The following GMDS variants were observed in gnomAD, a reference collection of about 807,000 sequenced individuals.
GMDS encodes GDP-mannose 4,6-dehydratase.
A neutral mutation model predicts 49.9 loss-of-function variants in GMDS; 20 were observed. That is an observed-to-expected ratio of 0.40 (90% CI 0.28 to 0.58). The LOEUF is 0.58. GMDS is among the 20% of genes least tolerant of loss of function. The pLI is 0.42. For missense variants in GMDS, 362 were observed against 481.4 expected, an observed-to-expected ratio of 0.75 and a Z score of 2.32; for synonymous variants, 177 against 178.6, an observed-to-expected ratio of 0.99 and a Z score of 0.07.
intron 7 of GMDS, among the ~76,000 whole-genome samples, chr6:1,823,999 C>T (rs571768485): frequency 3.3e-5 from 5 of 152,204 alleles, no homozygotes; most frequent in South Asian, 4.2e-4. Context: ...GTTCTCATGA[C>T]GGGCCTCCTC....
At chr6:1,814,700 TTTAA>T (rs1770583459) in intron 7 of GMDS, among the ~76,000 whole-genome samples, 1 of 152,250 alleles carries the variant, frequency 6.6e-6, no homozygotes, top group Non-Finnish European at 1.5e-5. Flanking sequence ...TATATTCATA[TTTAA>T]TTATACTAAA....
chr6:1,897,957 C>G (rs1000422492), intron 7 of GMDS, among the ~76,000 whole-genome samples: 156 of 112,632 alleles, frequency 1.4e-3, no homozygotes, highest in African/African-American at 5.1e-3. Context: ...CCTGGCCACC[C>G]TTGCCATCCT....
At chr6:2,132,617 G>A (rs569090795) in intron 1 of GMDS, among the ~76,000 whole-genome samples, 110 of 152,156 alleles carry the variant, frequency 7.2e-4, no homozygotes, top group Non-Finnish European at 1.3e-3. Flanking sequence ...AGGCTTTGTG[G>A]ATGAAAGAAA....
At chr6:1,689,470 G>C (rs1427472041) in intron 9 of GMDS, among the ~76,000 whole-genome samples, 1 of 152,172 alleles carries the variant, frequency 6.6e-6, no homozygotes, top group Non-Finnish European at 1.5e-5. Context: ...AAGCAGTGTG[G>C]AACTGAAATA....
At chr6:2,010,756 G>C (rs1170237189) in intron 4 of GMDS, among the ~76,000 whole-genome samples, 5 of 152,110 alleles carry the variant, frequency 3.3e-5, no homozygotes. Context: ...TTTAAAAATT[G>C]TTTTAAAAAT....
At chr6:1,732,880 G>C (rs1379590563) in intron 8 of GMDS, among the ~76,000 whole-genome samples, 2 of 152,130 alleles carry the variant, frequency 1.3e-5, no homozygotes, top group African/African-American at 4.8e-5. Context: ...TAATAAAGAA[G>C]GGAAAAAAGA....
intron 1 of GMDS, among the ~76,000 whole-genome samples, chr6:2,201,188 G>GA (rs1779513863): frequency 2.2e-5 from 3 of 138,162 alleles, no homozygotes; most frequent in African/African-American, 8.3e-5. Flanking sequence ...GCAGAGAGGT[G>GA]AGGGATGAAG....
intron 7 of GMDS, among the ~76,000 whole-genome samples, chr6:1,789,914 T>C (rs1769468863): frequency 6.6e-6 from 1 of 152,190 alleles, no homozygotes; most frequent in Non-Finnish European, 1.5e-5. Context: ...AAGTGGCATA[T>C]CTGTTTAAAT....
At chr6:1,691,108 C>T (rs140254657) in intron 9 of GMDS, among the ~76,000 whole-genome samples, 5 of 152,222 alleles carry the variant, frequency 3.3e-5, no homozygotes, top group African/African-American at 1.2e-4. Flanking sequence ...TGGACTCAAC[C>T]CAAATGCTAA....
At chr6:1,971,350 C>G (rs1764600958) in intron 4 of GMDS, among the ~76,000 whole-genome samples, 1 of 152,080 alleles carries the variant, frequency 6.6e-6, no homozygotes, top group Non-Finnish European at 1.5e-5. Context: ...ACTCATAACC[C>G]CAATTTTGTA....
chr6:1,662,510 CCACA>C (rs1228341544), intron 9 of GMDS, among the ~76,000 whole-genome samples: 1 of 152,052 alleles, frequency 6.6e-6, no homozygotes, highest in East Asian at 1.9e-4. Flanking sequence ...ATTAGAGTTC[CCACA>C]CAAAGAAGTA....
chr6:1,659,754 C>T lies in GMDS; in HGVS notation c.988-35214G>A, dbSNP rs1211844091. 2.0e-5 allele frequency among the ~76,000 whole-genome samples: 3 copies of T among 152,222 alleles called. No homozygotes were observed. In the East Asian group the frequency reaches 5.8e-4, roughly 29 times the overall value. On this transcript the variant is annotated intron_variant, in intron 9 of 10. Coordinates refer to ENST00000380815, the MANE Select transcript of GMDS (RefSeq NM_001500.4). ...TCATAATAAACTTCAATGGTTCTCT[C>T]AGCAACACTGAATTACTTGAGAAAG...
intron 1 of GMDS, among the ~76,000 whole-genome samples, chr6:2,209,570 T>TACACACACACACACACAC (rs61216869): frequency 1.5e-5 from 2 of 135,950 alleles, no homozygotes; most frequent in South Asian, 2.3e-4. Context: ...CACATACACA[T>TACACACACACACACACAC]ACACACACAC....
chr6:2,164,731 A>T (rs1414421986), intron 1 of GMDS, among the ~76,000 whole-genome samples: 2 of 152,216 alleles, frequency 1.3e-5, no homozygotes, highest in African/African-American at 4.8e-5. Flanking sequence ...ACAGGATAAG[A>T]TTCTGGGTTT....
intron 9 of GMDS, among the ~76,000 whole-genome samples, chr6:1,720,943 G>C (rs1307949130): frequency 6.6e-6 from 1 of 152,118 alleles, no homozygotes; most frequent in Non-Finnish European, 1.5e-5. Flanking sequence ...GGAGAAAAGG[G>C]GGACAGTTTC....
At chr6:1,883,191 G>C (rs1238535990) in intron 7 of GMDS, among the ~76,000 whole-genome samples, 1 of 152,122 alleles carries the variant, frequency 6.6e-6, no homozygotes, top group Non-Finnish European at 1.5e-5. Context: ...AAGAGATCCA[G>C]ACCATCCTGG....
At chr6:1,994,628 T>G (rs1233546362) in intron 4 of GMDS, among the ~76,000 whole-genome samples, 4 of 151,968 alleles carry the variant, frequency 2.6e-5, no homozygotes, top group Non-Finnish European at 5.9e-5. Flanking sequence ...ATCTGTTTAC[T>G]GCACAATCAG....
At chr6:2,151,247 C>T (rs1455398993) in intron 1 of GMDS, among the ~76,000 whole-genome samples, 1 of 152,024 alleles carries the variant, frequency 6.6e-6, no homozygotes, top group African/African-American at 2.4e-5. Flanking sequence ...GTGATTATTA[C>T]ACATTGCATA....
chr6:1,802,448 T>C (rs543183484), intron 7 of GMDS, among the ~76,000 whole-genome samples: 2 of 152,232 alleles, frequency 1.3e-5, no homozygotes, highest in Non-Finnish European at 2.9e-5. Context: ...TTGCTTTAGG[T>C]CTAAAAGATT....
Sources: allele counts gnomAD v4.1 joint callset (sites outside exome capture counted in the v4.1 genomes callset), GRCh38; gene constraint gnomAD v4.1.1; transcripts MANE v1.5; gene names NCBI Gene and HGNC (gene_info 2026-07-23, HGNC 2026-07-21).